Variants in SNHG17 observed in about 807,000 individuals in gnomAD.
The protein encoded by SNHG17 is small nucleolar RNA host gene 17 (non-protein coding).
exon 8 of SNHG17, chr20:38,420,842 T>C (rs2084146619): frequency 6.6e-6 from 1 of 152,162 alleles, no homozygotes; most frequent in African/African-American, 2.4e-5. Context: ...ACGCTTCATG[T>C]GGTAGCCTCA....
At chr20:38,434,787 G>A (rs1014128923) in intron 1 of SNHG17, 3 of 937,568 alleles carry the variant, frequency 3.2e-6, no homozygotes, top group South Asian at 4.9e-5. Context: ...AAGTTATTGA[G>A]GGGAAAACGA....
chr20:38,428,718 A>G (rs953335115), intron 3 of SNHG17: 1 of 152,266 alleles, frequency 6.6e-6, no homozygotes, highest in Admixed American at 6.5e-5. Flanking sequence ...CTGTTTCTCC[A>G]GCAGCGTCCA....
intron 3 of SNHG17, chr20:38,428,256 GCC>G (rs2084282461): frequency 6.6e-6 from 1 of 152,244 alleles, no homozygotes; most frequent in Non-Finnish European, 1.5e-5. Context: ...CTCCTCCACA[GCC>G]CCTGAAGGCA....
At chr20:38,422,139 A>G (rs1568852896) in exon 6 of SNHG17, 1 of 152,338 alleles carries the variant, frequency 6.6e-6, no homozygotes, top group Non-Finnish European at 1.5e-5. Flanking sequence ...CACTGAAAGC[A>G]TGTGAGGGAC....
At chr20:38,427,702 T>C (rs927149924) in intron 3 of SNHG17, 1 of 163,888 alleles carries the variant, frequency 6.1e-6, no homozygotes, top group African/African-American at 2.4e-5. Flanking sequence ...TATCAGGAAA[T>C]TGAGATTCAA....
intron 2 of SNHG17, among the ~76,000 whole-genome samples, chr20:38,431,429 T>C (rs563600200): frequency 1.3e-5 from 2 of 152,280 alleles, no homozygotes; most frequent in African/African-American, 4.8e-5. Context: ...CTTGTTGAAA[T>C]TGGAGACCAA....
intron 5 of SNHG17, among the ~76,000 whole-genome samples, chr20:38,424,590 T>C (rs2084214093): frequency 6.6e-6 from 1 of 152,186 alleles, no homozygotes; most frequent in Non-Finnish European, 1.5e-5. Flanking sequence ...ACATGTCAGT[T>C]ACCAGGCACC....
intron 3 of SNHG17, chr20:38,427,652 A>G (rs1316177659): frequency 5.7e-6 from 1 of 174,166 alleles, no homozygotes; most frequent in Non-Finnish European, 1.2e-5. Context: ...TCATGGGGTC[A>G]CGTCTGTAAA....
chr20:38,435,007 C>A (rs2084408080), intron 1 of SNHG17: 1 of 1,230,142 alleles, frequency 8.1e-7, no homozygotes, highest in Non-Finnish European at 1.0e-6. Flanking sequence ...AGCACTGCCG[C>A]GGCCAAGGGC....
At chr20:38,422,396 G>A (rs1339649985) in intron 5 of SNHG17, among the ~76,000 whole-genome samples, 7 of 152,164 alleles carry the variant, frequency 4.6e-5, no homozygotes, top group East Asian at 1.9e-4. Context: ...AACACTTAAC[G>A]CAGGGGCTGG....
chr20:38,427,378 G>T (rs773381286), intron 3 of SNHG17: 26 of 518,826 alleles, frequency 5.0e-5, no homozygotes, highest in South Asian at 3.6e-4. Context: ...CTCTTTCAGC[G>T]TTCCTCTCCC....
intron 3 of SNHG17, chr20:38,428,022 A>C (rs2084278826): frequency 6.6e-6 from 1 of 152,254 alleles, no homozygotes; most frequent in African/African-American, 2.4e-5. Flanking sequence ...TTTCTGAGAG[A>C]GGGAGGGAGC....
intron 5 of SNHG17, chr20:38,422,330 C>G (rs927989879): frequency 2.0e-5 from 3 of 152,290 alleles, no homozygotes; most frequent in Non-Finnish European, 2.9e-5. Context: ...ACTATGAAGA[C>G]AACACATCCC....
chr20:38,423,267 T>G lies in SNHG17; in HGVS notation n.580-1026A>C, dbSNP rs150934172. 2.9e-3 allele frequency among the ~76,000 whole-genome samples: 430 copies of G among 150,774 alleles called. 2 individuals carry two copies. Among genetic ancestry groups the G allele is most frequent in the African/African-American group, 1.0e-2 (411 of 41,228 alleles). On this transcript the variant is annotated intron_variant and non_coding_transcript_variant, in intron 5 of 8. Transcript: ENST00000654008. ...CAAAAATTAACCAGGCATAGTGGCA[T>G]GCACCTGCAGTCCCAGCTACTCAGG...
At chr20:38,427,432 C>T (rs750050059) in intron 3 of SNHG17, 4 of 516,478 alleles carry the variant, frequency 7.7e-6, no homozygotes, top group South Asian at 1.4e-5. Flanking sequence ...TGATCACTTT[C>T]GGATGCAGGA....
intron 5 of SNHG17, among the ~76,000 whole-genome samples, chr20:38,424,030 G>C (rs112466574): frequency 1.1e-4 from 16 of 152,150 alleles, no homozygotes; most frequent in African/African-American, 3.6e-4. Context: ...AAATTAGCTG[G>C]GCGTGGTGAT....
chr20:38,429,907 C>T, intron 3 of SNHG17: 2 of 455,320 alleles, frequency 4.4e-6, no homozygotes, highest in South Asian at 1.6e-5. Context: ...AGCAGACTTA[C>T]AGCCTAAGAT....
At chr20:38,430,591 T>C (rs931179581) in intron 3 of SNHG17, among the ~76,000 whole-genome samples, 4 of 152,054 alleles carry the variant, frequency 2.6e-5, no homozygotes, top group Non-Finnish European at 4.4e-5. Flanking sequence ...CATTGCACTC[T>C]AGCCTGGGCG....
chr20:38,432,129 C>T (rs1317444842), intron 2 of SNHG17: 3 of 985,302 alleles, frequency 3.0e-6, no homozygotes, highest in African/African-American at 3.5e-5. Context: ...TGGTCAAACC[C>T]GTTCTGGAAA....
Sources: allele counts gnomAD v4.1 joint callset (sites outside exome capture counted in the v4.1 genomes callset), GRCh38; gene constraint gnomAD v4.1.1; transcripts MANE v1.5; gene names NCBI Gene and HGNC (gene_info 2026-07-23, HGNC 2026-07-21).